The following ITGBL1 variants were observed in gnomAD, a reference collection of about 807,000 sequenced individuals.
ITGBL1 encodes the protein integrin subunit beta like 1.
Under a neutral mutation model 68.5 loss-of-function variants are expected in ITGBL1, and 51 were observed. That is an observed-to-expected ratio of 0.74 (90% CI 0.59 to 0.94). The LOEUF (loss-of-function observed/expected upper bound fraction) is 0.94. Ranked by LOEUF, ITGBL1 falls within the 40% of genes least tolerant of loss-of-function variation. ITGBL1 has a pLI of 0.00. For missense variants in ITGBL1, 649 were observed against 647.4 expected (o/e 1.00, Z -0.03); for synonymous variants, 209 against 227.3 (o/e 0.92, Z 0.72).
At chr13:101,605,752 G>T (rs142620367) in intron 7 of ITGBL1, among the ~76,000 whole-genome samples, 1 of 148,008 alleles carries the variant, frequency 6.8e-6, no homozygotes, top group Non-Finnish European at 1.5e-5. Flanking sequence ...ATGTATGTGC[G>T]TATATGTGTG....
At chr13:101,602,129 A>G (rs1482359492) in intron 7 of ITGBL1, among the ~76,000 whole-genome samples, 1 of 152,108 alleles carries the variant, frequency 6.6e-6, no homozygotes, top group Non-Finnish European at 1.5e-5. Flanking sequence ...ATTAAAAAAC[A>G]CAGTTTAGAC....
chr13:101,689,226 A>C (rs1258527404), intron 7 of ITGBL1, among the ~76,000 whole-genome samples: 5 of 149,500 alleles, frequency 3.3e-5, no homozygotes, highest in Admixed American at 1.3e-4. Context: ...AAAAAAAAAA[A>C]AAAAAAATTA....
intron 7 of ITGBL1, among the ~76,000 whole-genome samples, chr13:101,685,534 A>G (rs1201522482): frequency 6.6e-6 from 1 of 152,138 alleles, no homozygotes; most frequent in Non-Finnish European, 1.5e-5. Flanking sequence ...CACTTAAACT[A>G]TAACAATGGT....
At chr13:101,590,904 C>T (rs1594910350) in intron 6 of ITGBL1, among the ~76,000 whole-genome samples, 1 of 151,992 alleles carries the variant, frequency 6.6e-6, no homozygotes, top group Admixed American at 6.6e-5. Context: ...ATAGGAACTT[C>T]TTTGTTTTGT....
rs542063440 is a variant in ITGBL1 at position 101,653,932 on chromosome 13, G to A, written c.1016-38653G>A. Among the ~76,000 whole-genome samples the A allele has an allele frequency of 6.2e-5, 9 of 145,394 alleles. No individual in the cohort carries two copies. The South Asian group carries it at 8.8e-4, about 14-fold the overall frequency. On this transcript the variant is annotated intron_variant, in intron 7 of 10. Coordinates refer to ENST00000376180, the MANE Select transcript of ITGBL1 (RefSeq NM_004791.3). ...TCACCATGTTGGCCAGGATGGTCTCGATCTCTTGACTTCGTGATCTGCCCA... is the reference window on the plus strand; with the variant it reads ...TCACCATGTTGGCCAGGATGGTCTCAATCTCTTGACTTCGTGATCTGCCCA...
At chr13:101,558,909 GTA>G (rs918697791) in intron 2 of ITGBL1, among the ~76,000 whole-genome samples, 11 of 61,916 alleles carry the variant, frequency 1.8e-4, no homozygotes, top group East Asian at 4.6e-4. Flanking sequence ...ATTTGTGTGT[GTA>G]TGTGTGTGTG....
intron 2 of ITGBL1, among the ~76,000 whole-genome samples, chr13:101,459,824 CAATT>C (rs1215345097): frequency 2.6e-5 from 4 of 152,058 alleles, no homozygotes; most frequent in Admixed American, 2.0e-4. Context: ...AACAATATAA[CAATT>C]AAAATAATTA....
chr13:101,492,241 G>A (rs946610159), intron 2 of ITGBL1, among the ~76,000 whole-genome samples: 4 of 152,070 alleles, frequency 2.6e-5, no homozygotes, highest in African/African-American at 7.2e-5. Context: ...ATAGTGCATC[G>A]CTTTCTTACA....
chr13:101,576,194 G>A (rs980921351), intron 4 of ITGBL1, among the ~76,000 whole-genome samples: 11 of 152,182 alleles, frequency 7.2e-5, no homozygotes, highest in East Asian at 1.9e-4. Context: ...AACCTGGGAC[G>A]TGGATAAATT....
chr13:101,582,786 T>C (rs1054243379), intron 5 of ITGBL1, among the ~76,000 whole-genome samples: 5 of 152,206 alleles, frequency 3.3e-5, no homozygotes, highest in Non-Finnish European at 5.9e-5. Context: ...CCAACACTCA[T>C]TGATCCTCTT....
chr13:101,580,881 G>A (rs889438296), intron 5 of ITGBL1, among the ~76,000 whole-genome samples: 1 of 152,216 alleles, frequency 6.6e-6, no homozygotes, highest in East Asian at 1.9e-4. Context: ...CCACTTCGCT[G>A]TGCTTGGAGC....
Position 101,608,475 on chromosome 13 carries a change from G to C in ITGBL1, c.1015+10176G>C, listed in dbSNP as rs145504931. On this transcript the variant is annotated intron_variant, in intron 7 of 10. Transcript: ENST00000376180. The stretch of plus-strand genomic sequence containing the variant: ...ATGTTTACAGAGAGTTTATTTATTT[G>C]GAACAAAGAGAAAGTTTAAAAATTT... Among the ~76,000 whole-genome samples, 7 of 150,992 alleles carry C rather than the reference G, an allele frequency of 4.6e-5. No homozygotes were observed. The East Asian group carries it at 1.4e-3, about 29-fold the overall frequency.
At chr13:101,495,612 CA>C (rs749106662) in intron 2 of ITGBL1, among the ~76,000 whole-genome samples, 3 of 150,892 alleles carry the variant, frequency 2.0e-5, no homozygotes, top group Non-Finnish European at 4.4e-5. Context: ...AGGTAACTAG[CA>C]AAAGGGATTT....
At chr13:101,656,108 A>G (rs1035245164) in intron 7 of ITGBL1, among the ~76,000 whole-genome samples, 1 of 152,164 alleles carries the variant, frequency 6.6e-6, no homozygotes, top group Admixed American at 6.6e-5. Flanking sequence ...CTGATTGACA[A>G]TTGGTTGAGT....
chr13:101,646,387 G>C (rs1278050398), intron 7 of ITGBL1, among the ~76,000 whole-genome samples: 1 of 151,962 alleles, frequency 6.6e-6, no homozygotes, highest in Non-Finnish European at 1.5e-5. Context: ...TAAACGAATG[G>C]TCAAAGAACC....
intron 7 of ITGBL1, among the ~76,000 whole-genome samples, chr13:101,655,329 C>T (rs963095409): frequency 1.4e-4 from 21 of 152,120 alleles, no homozygotes; most frequent in African/African-American, 3.9e-4. Context: ...TTGCAAAAAG[C>T]AGTTGCCAGA....
intron 7 of ITGBL1, among the ~76,000 whole-genome samples, chr13:101,606,112 C>CTATA (rs71125009): frequency 4.9e-4 from 61 of 125,320 alleles, no homozygotes; most frequent in East Asian, 4.0e-3. Context: ...CTCTCTCTCT[C>CTATA]TATATATATA....
At chr13:101,616,586 G>T (rs1036847127) in intron 7 of ITGBL1, among the ~76,000 whole-genome samples, 2 of 152,104 alleles carry the variant, frequency 1.3e-5, no homozygotes, top group African/African-American at 4.8e-5. Flanking sequence ...CGCCTCCCAG[G>T]TTGAAGCGAT....
chr13:101,482,833 CTG>C (rs1250252782), intron 2 of ITGBL1, among the ~76,000 whole-genome samples: 1 of 152,098 alleles, frequency 6.6e-6, no homozygotes, highest in African/African-American at 2.4e-5. Flanking sequence ...GTAGTTAGGA[CTG>C]TGATTTCCAA....
Sources: gnomAD v4.1 joint callset for allele counts (sites outside exome capture counted in the v4.1 genomes callset) on GRCh38, gnomAD v4.1.1 for gene constraint, MANE v1.5 for transcripts, NCBI Gene and HGNC (gene_info 2026-07-23, HGNC 2026-07-21) for gene names.